The following CCDC175 variants were observed in gnomAD, a reference collection of about 807,000 sequenced individuals.
The protein encoded by CCDC175 is coiled-coil domain-containing protein 175.
CCDC175 carries 100 observed loss-of-function variants against 114.6 expected under a neutral mutation model. That is an observed-to-expected ratio of 0.87 (90% CI 0.74 to 1.03). The LOEUF (loss-of-function observed/expected upper bound fraction) is 1.03. Among genes scored for constraint, CCDC175 ranks in the 50% least tolerant of loss-of-function variants. The pLI is 0.00. For missense variants in CCDC175, 880 were observed against 917.8 expected, an observed-to-expected ratio of 0.96 and a Z score of 0.53; for synonymous variants, 306 against 308.7, an observed-to-expected ratio of 0.99 and a Z score of 0.09.
chr14:59,545,206 C>A lies in CCDC175; in HGVS notation c.1129G>T (p.Glu377Ter). The change falls in exon 9 of 20, where the codon GAG (glutamate) becomes TAG (stop). Residue 377 changes from glutamate (E) to a stop codon, truncating the protein, a stop_gained. Coordinates refer to ENST00000537690, the MANE Select transcript of CCDC175 (RefSeq NM_001164399.2). LOFTEE classifies it high-confidence loss of function. ...LARQYKIVLS[E>*]EEKAFLQKQK... ...TTTTGCAAAAAAGCTTTTTCTTCCT[C>A]ACTTAAAACAATCTTATATTGTCTG... 6.5e-7 allele frequency: 1 copy of A among 1,536,892 alleles called. No individual in the cohort carries two copies. The highest frequency in any genetic ancestry group is 1.4e-5 in the African/African-American group (1 of 73,128).
At chr14:59,571,148 T>TAAAAAAAA (rs35713404) in intron 3 of CCDC175, among the ~76,000 whole-genome samples, 1 of 128,410 alleles carries the variant, frequency 7.8e-6, no homozygotes. Context: ...GAAATTTACC[T>TAAAAAAAA]AAAAAAAAAA....
At chr14:59,529,199 G>T (rs1893925018) in intron 14 of CCDC175, among the ~76,000 whole-genome samples, 1 of 152,182 alleles carries the variant, frequency 6.6e-6, no homozygotes, top group African/African-American at 2.4e-5. Context: ...TCCTTCCTCA[G>T]GTTGGGGTAA....
chr14:59,576,549 T>C, intron 1 of CCDC175, 70 bp downstream of exon 1: 2 of 1,325,724 alleles, frequency 1.5e-6, no homozygotes, highest in Non-Finnish European at 1.9e-6. Flanking sequence ...CCGCTCAGGG[T>C]TCCCGCTGAG....
intron 4 of CCDC175, among the ~76,000 whole-genome samples, chr14:59,566,300 A>G (rs72714041): frequency 0.26 from 39,790 of 151,922 alleles, 6,539 homozygotes; most frequent in Non-Finnish European, 0.35. Context: ...TACAAAAGGG[A>G]CAATTGGTGC....
rs531556831 is a variant in CCDC175 at position 59,527,001 on chromosome 14, T to G, written c.1842+94A>C. On this transcript the variant is annotated intron_variant, in intron 15 of 19. Coordinates refer to ENST00000537690, the MANE Select transcript of CCDC175 (RefSeq NM_001164399.2). ...TGGGTAAGTTTAACAAATGTGGATT[T>G]CATGAAAACTTCAATGCCAGGTAAA... 1.5e-4 allele frequency: 93 copies of G among 640,268 alleles called. No individual in the cohort carries two copies. In the African/African-American group the frequency reaches 1.6e-3, roughly 11 times the overall value. 39.7% of individuals were successfully genotyped at this position (640,268 alleles called of 1,614,324 possible).
chr14:59,568,392 G>A lies in CCDC175; in HGVS notation c.356-12C>T, dbSNP rs1324421826. ...GTCTCGGACACATTCTTCAAAGTAA[G>A]TGGAAATATTACTACATTATTTGAG... On this transcript the variant is annotated splice_polypyrimidine_tract_variant and intron_variant, in intron 3 of 19. Transcript: ENST00000537690. 5.4e-6 allele frequency: 8 copies of A among 1,494,758 alleles called. No homozygotes were observed. Among genetic ancestry groups the A allele is most frequent in the Non-Finnish European group, 7.1e-6 (8 of 1,131,674 alleles). 92.6% of individuals were successfully genotyped at this position (1,494,758 alleles called of 1,614,324 possible). A position where few individuals can be genotyped will look rare whatever the true frequency, so the allele number is the denominator to read the frequency against.
intron 19 of CCDC175, among the ~76,000 whole-genome samples, chr14:59,506,743 T>C (rs966009700): frequency 1.3e-5 from 2 of 152,218 alleles, no homozygotes; most frequent in African/African-American, 2.4e-5. Flanking sequence ...GCTTTAATTA[T>C]AAGGAGGTGT....
intron 7 of CCDC175, among the ~76,000 whole-genome samples, chr14:59,559,924 C>G (rs1238709521): frequency 6.6e-6 from 1 of 152,050 alleles, no homozygotes; most frequent in Non-Finnish European, 1.5e-5. Flanking sequence ...ATGAAGACTG[C>G]TTATAAATAA....
intron 14 of CCDC175, among the ~76,000 whole-genome samples, chr14:59,528,711 G>A (rs1893892957): frequency 1.3e-5 from 2 of 151,962 alleles, no homozygotes; most frequent in Non-Finnish European, 2.9e-5. Flanking sequence ...TGGCATCTCA[G>A]AATAGTTTTT....
chr14:59,568,630 C>G (rs1896686827), intron 3 of CCDC175, among the ~76,000 whole-genome samples: 1 of 152,064 alleles, frequency 6.6e-6, no homozygotes, highest in South Asian at 2.1e-4. Context: ...GTGCCTGATT[C>G]CCGCCCGTTC....
chr14:59,533,905 C>T (rs1894227811), intron 13 of CCDC175, among the ~76,000 whole-genome samples: 1 of 150,964 alleles, frequency 6.6e-6, no homozygotes. Context: ...AGGAGAATCG[C>T]TTGAACCCGG....
chr14:59,531,934 G>A (rs551648893), intron 13 of CCDC175, 24 bp from the exon 14 acceptor site: 190 of 1,035,772 alleles, frequency 1.8e-4, no homozygotes, highest in Middle Eastern at 1.4e-3. Flanking sequence ...AAAATCAATT[G>A]AGAAATATAA....
At chr14:59,533,036 T>C (rs927966187) in intron 13 of CCDC175, among the ~76,000 whole-genome samples, 1 of 152,196 alleles carries the variant, frequency 6.6e-6, no homozygotes, top group African/African-American at 2.4e-5. Flanking sequence ...GCTTCCTTAT[T>C]GGGAGGTGTC....
intron 11 of CCDC175, 143 bp downstream of exon 11, chr14:59,540,532 C>T (rs554310971): frequency 4.0e-5 from 38 of 948,416 alleles, no homozygotes; most frequent in Middle Eastern, 3.4e-4. Context: ...CATCTAGATC[C>T]GAGAGAATTT....
intron 3 of CCDC175, among the ~76,000 whole-genome samples, chr14:59,571,173 C>T (rs1310186757): frequency 3.4e-5 from 5 of 147,806 alleles, no homozygotes; most frequent in Non-Finnish European, 6.0e-5. Context: ...AAAAAGAGAT[C>T]GAAGACCTAA....
At position 59,529,151 on chromosome 14, in the gene CCDC175, G is replaced by A. The variant is rs191256717; in HGVS notation, c.1763-1977C>T. On this transcript the variant is annotated intron_variant, in intron 14 of 19. Coordinates refer to ENST00000537690, the MANE Select transcript of CCDC175 (RefSeq NM_001164399.2). The stretch of plus-strand genomic sequence containing the variant: ...CGGTGCTGTTGTGGGGCTTTTCTCT[G>A]AATTGTTCAGTTTCCTTTAAGGAAG... Among the ~76,000 whole-genome samples the A allele has an allele frequency of 7.5e-3, 1,147 of 152,224 alleles. 14 individuals are homozygous for A. Among genetic ancestry groups the A allele is most frequent in the African/African-American group, 0.026 (1,086 of 41,540 alleles).
chr14:59,508,775 T>A (rs1056732386), intron 19 of CCDC175, among the ~76,000 whole-genome samples: 10 of 151,930 alleles, frequency 6.6e-5, no homozygotes, highest in African/African-American at 2.4e-4. Flanking sequence ...GAGGACACAA[T>A]GAGGAAGCAC....
rs555454820 is a variant in CCDC175 at position 59,532,048 on chromosome 14, T to A, written c.1624-138A>T. The A allele has an allele frequency of 7.2e-6, 4 of 557,232 alleles. No homozygotes were observed. The South Asian group carries it at 1.0e-4, about 14-fold the overall frequency. The allele number at this position is 557,232 out of a possible 1,614,324, so 34.5% of individuals were successfully genotyped here. ...ATCCTGAGGTACATAGAAAGACATATGGCATATACTAATCTTTTAATAAAT... is the reference window on the plus strand; with the variant it reads ...ATCCTGAGGTACATAGAAAGACATAAGGCATATACTAATCTTTTAATAAAT... On this transcript the variant is annotated intron_variant, in intron 13 of 19. Transcript: ENST00000537690.
chr14:59,515,721 T>G (rs376004823), intron 17 of CCDC175, among the ~76,000 whole-genome samples: 15 of 152,068 alleles, frequency 9.9e-5, no homozygotes, highest in South Asian at 4.1e-4. Context: ...AATAATGGGA[T>G]ACTTTAACAC....
Sources: allele counts gnomAD v4.1 joint callset (sites outside exome capture counted in the v4.1 genomes callset), GRCh38; gene constraint gnomAD v4.1.1; transcripts MANE v1.5; gene names NCBI Gene and HGNC (gene_info 2026-07-23, HGNC 2026-07-21).